Variants in KAZN observed in about 807,000 individuals in gnomAD.
KAZN encodes kazrin, periplakin interacting protein, also known as kazrin.
KAZN carries 40 observed loss-of-function variants against 87.4 expected under a neutral mutation model. The observed-to-expected ratio is 0.46, with a 90% CI of 0.36 to 0.60. The LOEUF (loss-of-function observed/expected upper bound fraction) is 0.60, where lower values mean the gene tolerates loss of function less well. KAZN is among the 20% of genes least tolerant of loss of function. The pLI, the probability that KAZN is intolerant of heterozygous loss-of-function variation, is 0.00. For missense variants in KAZN, 898 were observed against 1,073.9 expected (o/e 0.84, Z 2.29); for synonymous variants, 466 against 458.3 (o/e 1.02, Z -0.22).
chr1:14,471,963 A>G (rs557812578), intron 2 of KAZN, among the ~76,000 whole-genome samples: 1 of 152,226 alleles, frequency 6.6e-6, no homozygotes, highest in Non-Finnish European at 1.5e-5. Context: ...GGTAATTTAC[A>G]ATAATGGAAA....
chr1:14,644,692 G>T (rs1032277168), intron 1 of KAZN, among the ~76,000 whole-genome samples: 11 of 152,286 alleles, frequency 7.2e-5, no homozygotes, highest in South Asian at 6.2e-4. Context: ...GTTCCTTATA[G>T]ATGCTGGACA....
At chr1:14,295,935 C>T (rs769794134) in intron 2 of KAZN, among the ~76,000 whole-genome samples, 2 of 152,142 alleles carry the variant, frequency 1.3e-5, no homozygotes, top group Non-Finnish European at 2.9e-5. Context: ...CATCACCCAG[C>T]GCACTGTGGA....
At chr1:14,230,973 A>T (rs1271139284) in intron 2 of KAZN, among the ~76,000 whole-genome samples, 2 of 152,106 alleles carry the variant, frequency 1.3e-5, no homozygotes, top group Non-Finnish European at 2.9e-5. Flanking sequence ...TCATCCTTAA[A>T]ATGGGGTAAT....
chr1:14,169,241 C>A (rs975934965), intron 1 of KAZN, among the ~76,000 whole-genome samples: 1 of 152,088 alleles, frequency 6.6e-6, no homozygotes, highest in African/African-American at 2.4e-5. Flanking sequence ...TCTATCTCTG[C>A]TCTGTATTGC....
chr1:14,776,091 C>T (rs1645168279), intron 1 of KAZN, among the ~76,000 whole-genome samples: 2 of 152,218 alleles, frequency 1.3e-5, no homozygotes, highest in African/African-American at 4.8e-5. Flanking sequence ...CTCACTGCAA[C>T]TTCTGCCTCC....
At chr1:14,053,419 C>G (rs141263228) in intron 1 of KAZN, among the ~76,000 whole-genome samples, 1 of 152,130 alleles carries the variant, frequency 6.6e-6, no homozygotes, top group African/African-American at 2.4e-5. Flanking sequence ...GGACTCCTGA[C>G]CTACAGAACT....
intron 3 of KAZN, among the ~76,000 whole-genome samples, chr1:15,038,664 T>G (rs192005197): frequency 7.2e-5 from 11 of 152,340 alleles, no homozygotes; most frequent in African/African-American, 2.6e-4. Flanking sequence ...GTGCAACTAC[T>G]GTTTAAGGCA....
intron 2 of KAZN, among the ~76,000 whole-genome samples, chr1:14,429,516 G>A (rs546774298): frequency 7.6e-4 from 115 of 152,254 alleles, no homozygotes; most frequent in African/African-American, 2.5e-3. Flanking sequence ...CCAAAGGGCC[G>A]GGAAGTGGCT....
chr1:14,230,085 G>A (rs111570134), intron 2 of KAZN, among the ~76,000 whole-genome samples: 7 of 152,200 alleles, frequency 4.6e-5, no homozygotes, highest in African/African-American at 7.2e-5. Flanking sequence ...TGTGGCTTGC[G>A]TGACCAAGGA....
chr1:14,908,226 CT>C (rs1348361036), intron 1 of KAZN, among the ~76,000 whole-genome samples: 1 of 151,138 alleles, frequency 6.6e-6, no homozygotes, highest in Non-Finnish European at 1.5e-5. Context: ...AGCAAGACCC[CT>C]ATCTGTACAA....
At chr1:14,439,926 C>T (rs954461401) in intron 2 of KAZN, among the ~76,000 whole-genome samples, 34 of 152,206 alleles carry the variant, frequency 2.2e-4, no homozygotes, top group African/African-American at 8.0e-4. Context: ...ATCTCACCTC[C>T]TTCAGCGCTT....
rs1640975236 is a variant in KAZN, at chr1:15,099,838, A to G, written c.1548-1705A>G. Among the ~76,000 whole-genome samples the G allele has an allele frequency of 6.6e-6, 1 of 152,186 alleles. No individual in the cohort carries two copies. Among genetic ancestry groups the G allele is most frequent in the South Asian group, 2.1e-4 (1 of 4,830 alleles). ...GGGGAAAGTGGCAGAAACCCACACC[A>G]GAGACGCCTGCAGCTTAGAGCTGGG... On this transcript the variant is annotated intron_variant, in intron 10 of 14. Coordinates refer to ENST00000376030, the MANE Select transcript of KAZN (RefSeq NM_201628.3). This position sits in a 1 kb window ranked among gnomAD's most constrained non-coding sequence, Gnocchi z 5.4.
chr1:13,961,035 G>A (rs1479021345), intron 1 of KAZN, among the ~76,000 whole-genome samples: 1 of 152,180 alleles, frequency 6.6e-6, no homozygotes, highest in Non-Finnish European at 1.5e-5. Context: ...TGAGAAGAAA[G>A]CAAAGAATAA....
intron 1 of KAZN, among the ~76,000 whole-genome samples, chr1:14,861,796 T>C (rs757896252): frequency 6.6e-6 from 1 of 152,096 alleles, no homozygotes; most frequent in Non-Finnish European, 1.5e-5. Context: ...TGCATACCCA[T>C]TGAACTTGAA....
intron 2 of KAZN, among the ~76,000 whole-genome samples, chr1:14,434,983 C>T (rs528218266): frequency 7.5e-4 from 114 of 152,238 alleles, no homozygotes; most frequent in Middle Eastern, 6.8e-3. Context: ...CAGGTGTGTA[C>T]GAGGCTGTCA....
intron 2 of KAZN, among the ~76,000 whole-genome samples, chr1:14,433,989 C>A (rs1666232398): frequency 6.6e-6 from 1 of 152,234 alleles, no homozygotes; most frequent in African/African-American, 2.4e-5. Flanking sequence ...GGGATCTCAC[C>A]AGAACCTGGC....
At chr1:14,679,830 G>C (rs1640464475) in intron 1 of KAZN, among the ~76,000 whole-genome samples, 1 of 152,052 alleles carries the variant, frequency 6.6e-6, no homozygotes, top group Non-Finnish European at 1.5e-5. Flanking sequence ...CACCACTGGG[G>C]CGCCTCAGAA....
chr1:14,546,707 C>G (rs1673168733), intron 2 of KAZN, among the ~76,000 whole-genome samples: 1 of 152,146 alleles, frequency 6.6e-6, no homozygotes, highest in African/African-American at 2.4e-5. Flanking sequence ...GAAATGCAAT[C>G]TGTGTCAGGG....
chr1:14,522,535 C>G (rs1266503105), intron 2 of KAZN, among the ~76,000 whole-genome samples: 1 of 152,150 alleles, frequency 6.6e-6, no homozygotes, highest in African/African-American at 2.4e-5. Context: ...AATTTGGTCT[C>G]TTGGATTATG....
Sources: gnomAD v4.1 joint callset for allele counts (sites outside exome capture counted in the v4.1 genomes callset) on GRCh38, gnomAD v4.1.1 for gene constraint, Gnocchi (gnomAD v3.1) non-coding constraint, MANE v1.5 for transcripts, NCBI Gene and HGNC (gene_info 2026-07-23, HGNC 2026-07-21) for gene names.